TMEM37: variants seen among roughly 807,000 people sequenced by gnomAD.
TMEM37 encodes the protein voltage-dependent calcium channel gamma-like subunit.
In TMEM37, 12 loss-of-function variants were observed where a neutral mutation model predicts 11.0. That is an observed-to-expected ratio of 1.09 (90% CI 0.70 to 1.76). The LOEUF (loss-of-function observed/expected upper bound fraction) is 1.76. Among genes scored for constraint, TMEM37 ranks in the 40% most tolerant of loss-of-function variants. The pLI is 0.00. For synonymous variants in TMEM37, 127 were observed against 110.5 expected, an observed-to-expected ratio of 1.15 and a Z score of -0.94; for missense variants, 203 against 251.2, an observed-to-expected ratio of 0.81 and a Z score of 1.30.
chr2:119,431,176 C>A (rs1167032623), upstream of TMEM37, among the ~76,000 whole-genome samples: 2 of 152,092 alleles, frequency 1.3e-5, no homozygotes, highest in Non-Finnish European at 2.9e-5. Context: ...GACCTCAGTT[C>A]CCATCGAGGT....
At chr2:119,433,018 T>C (rs1682433821) in intron 1 of TMEM37, among the ~76,000 whole-genome samples, 1 of 152,196 alleles carries the variant, frequency 6.6e-6, no homozygotes, top group Non-Finnish European at 1.5e-5. Flanking sequence ...CTGGGGGATG[T>C]CTGGAATCCC....
chr2:119,430,060 G>A (rs558355559), upstream of TMEM37: 117 of 1,220,670 alleles, frequency 9.6e-5, no homozygotes, highest in African/African-American at 2.9e-4. Flanking sequence ...GGATACCCCC[G>A]CAACAGGACA....
At chr2:119,431,831 C>G, upstream of TMEM37, 1 of 1,216,556 alleles carries the variant, frequency 8.2e-7, no homozygotes. Flanking sequence ...GCGGAGAAGT[C>G]CCGGGCTGGC....
chr2:119,431,838 T>A, upstream of TMEM37: 1 of 1,225,088 alleles, frequency 8.2e-7, no homozygotes, highest in Non-Finnish European at 1.0e-6. Flanking sequence ...AGTCCCGGGC[T>A]GGCGCCGGCG....
chr2:119,434,119 A>G (rs1287339384), intron 1 of TMEM37, among the ~76,000 whole-genome samples: 2 of 152,148 alleles, frequency 1.3e-5, no homozygotes, highest in East Asian at 1.9e-4. Context: ...ATTAAAGTCC[A>G]GTCTGCCTAG....
chr2:119,437,628 G>C lies in TMEM37; in HGVS notation c.*188G>C. 1 of 726,114 alleles carries C rather than the reference G, an allele frequency of 1.4e-6. No homozygotes were observed. Among genetic ancestry groups the C allele is most frequent in the Non-Finnish European group, 2.2e-6 (1 of 452,380 alleles). 45.0% of individuals were successfully genotyped at this position (726,114 alleles called of 1,614,324 possible). A position where few individuals can be genotyped will look rare whatever the true frequency, so the allele number is the denominator to read the frequency against. ...GCCCGGGGGCCTCTGCACCTGGTCT[G>C]CAGGGCCAGAGGCCAGGAGGGTGCC... On this transcript the variant is annotated 3_prime_UTR_variant, in exon 2 of 2. Transcript: ENST00000306406.
At chr2:119,431,852 A>C, upstream of TMEM37, 2 of 1,232,072 alleles carry the variant, frequency 1.6e-6, no homozygotes, top group Non-Finnish European at 2.0e-6. Flanking sequence ...GCCGGCGGCC[A>C]CAGCGGAGCA....
chr2:119,430,621 C>T (rs961692916), upstream of TMEM37, among the ~76,000 whole-genome samples: 9 of 152,240 alleles, frequency 5.9e-5, no homozygotes, highest in African/African-American at 1.9e-4. Flanking sequence ...AAGGGGAAAA[C>T]AGATGAGTGC....
chr2:119,434,001 G>T (rs963612795), intron 1 of TMEM37, among the ~76,000 whole-genome samples: 1 of 152,148 alleles, frequency 6.6e-6, no homozygotes, highest in African/African-American at 2.4e-5. Context: ...TTCAGTGGTG[G>T]CCAGAGAGTT....
At chr2:119,436,289 T>A (rs1048308308) in intron 1 of TMEM37, among the ~76,000 whole-genome samples, 5 of 151,964 alleles carry the variant, frequency 3.3e-5, no homozygotes, top group Non-Finnish European at 7.4e-5. Context: ...GCCGCACAGG[T>A]CTGAGGGCAA....
chr2:119,431,815 G>GC, upstream of TMEM37: 1 of 943,640 alleles, frequency 1.1e-6, no homozygotes, highest in African/African-American at 1.7e-5. Flanking sequence ...CAGCCGCCCC[G>GC]CCCCTGCGGA....
intron 1 of TMEM37, among the ~76,000 whole-genome samples, chr2:119,433,213 C>T (rs1409764888): frequency 6.6e-6 from 1 of 152,210 alleles, no homozygotes; most frequent in Non-Finnish European, 1.5e-5. Context: ...GCTGGGGAGG[C>T]CACAGGCTCC....
At chr2:119,436,755 G>C in intron 1 of TMEM37, 134 bp from the exon 2 acceptor site, 1 of 733,442 alleles carries the variant, frequency 1.4e-6, no homozygotes, top group Non-Finnish European at 2.3e-6. Context: ...GGTCTGTTCC[G>C]GGCTTCACAG....
chr2:119,430,128 C>T (rs1682363944), upstream of TMEM37: 3 of 713,908 alleles, frequency 4.2e-6, no homozygotes, highest in African/African-American at 5.3e-5. Context: ...GAGAGTCTGG[C>T]TTCTGGGACC....
chr2:119,432,078 G>A, intron 1 of TMEM37, 154 bp downstream of exon 1: 1 of 460,542 alleles, frequency 2.2e-6, no homozygotes, highest in Non-Finnish European at 3.4e-6. Flanking sequence ...TTGCAAACCT[G>A]GGTCCGGAGG....
At chr2:119,434,630 G>A (rs1349791039) in intron 1 of TMEM37, among the ~76,000 whole-genome samples, 1 of 152,094 alleles carries the variant, frequency 6.6e-6, no homozygotes, top group Non-Finnish European at 1.5e-5. Flanking sequence ...GACACAGTTT[G>A]AGAACCACAG....
chr2:119,429,973 C>T (rs959890180), upstream of TMEM37: 6 of 1,550,380 alleles, frequency 3.9e-6, no homozygotes, highest in Non-Finnish European at 3.5e-6. Flanking sequence ...AGGCACTTCC[C>T]TCTTGGCCAG....
Position 119,437,258 on chromosome 2 carries a change from C to T in TMEM37, c.391C>T (p.Leu131Phe). 1.1e-5 allele frequency: 18 copies of T among 1,614,264 alleles called. No homozygotes were observed. The highest frequency in any genetic ancestry group is 1.5e-5 in the Non-Finnish European group (18 of 1,180,050). ...CAAGTGGGTCATGGGTTCCATCCTCCTCCTGGTGTCTTTCGTCCTCTCCTC... is the reference window on the plus strand; with the variant it reads ...CAAGTGGGTCATGGGTTCCATCCTCTTCCTGGTGTCTTTCGTCCTCTCCTC... The part of the protein sequence containing the change: ...QCKWVMGSIL[L>F]LVSFVLSSGG... Residue 131 changes from leucine (L) to phenylalanine (F), a missense_variant, in exon 2 of 2, where the codon CTC (leucine) becomes TTC (phenylalanine). Coordinates refer to ENST00000306406, the MANE Select transcript of TMEM37 (RefSeq NM_183240.3).
At chr2:119,436,866 G>A (rs775960362) in intron 1 of TMEM37, 23 bp from the exon 2 acceptor site, 1 of 1,592,988 alleles carries the variant, frequency 6.3e-7, no homozygotes, top group African/African-American at 1.3e-5. Context: ...GGCTGACAGG[G>A]TGCTTCCTAC....
Sources: allele counts gnomAD v4.1 joint callset (sites outside exome capture counted in the v4.1 genomes callset), GRCh38; gene constraint gnomAD v4.1.1; transcripts MANE v1.5; gene names NCBI Gene and HGNC (gene_info 2026-07-23, HGNC 2026-07-21).